Variants in MILR1 observed in about 807,000 individuals in gnomAD.
The protein encoded by MILR1 is mast cell immunoglobulin like receptor 1, also known as allergin-1.
MILR1 carries 31 observed loss-of-function variants against 18.5 expected under a neutral mutation model. The observed-to-expected ratio is 1.68, with a 90% CI of 1.26 to 2.26. The LOEUF is 2.26. MILR1 is among the 30% of genes most tolerant of loss of function. MILR1 has a pLI of 0.00. For synonymous variants in MILR1, 85 were observed against 56.2 expected, an observed-to-expected ratio of 1.51 and a Z score of -2.30; for missense variants, 257 against 157.4, an observed-to-expected ratio of 1.63 and a Z score of -3.38.
At chr17:64,476,662 TA>T in the MILR1 span, among the ~76,000 whole-genome samples, 1 of 152,080 alleles carries the variant, frequency 6.6e-6, no homozygotes. Flanking sequence ...TGTCTGCTTT[TA>T]AAATTCTCCA....
chr17:64,469,997 A>G (rs1555664302), downstream of MILR1, among the ~76,000 whole-genome samples: 1 of 152,200 alleles, frequency 6.6e-6, no homozygotes, highest in Admixed American at 6.5e-5. Flanking sequence ...GACAACGAGG[A>G]GTGACTGGCT....
intron 2 of MILR1, among the ~76,000 whole-genome samples, chr17:64,449,836 A>T (rs933112630): frequency 2.8e-4 from 43 of 152,300 alleles, no homozygotes; most frequent in African/African-American, 1.0e-3. Context: ...CAACACTAGA[A>T]ATATACATTG....
the MILR1 span, chr17:64,497,184 C>T: frequency 3.2e-6 from 2 of 624,672 alleles, no homozygotes; most frequent in African/African-American, 1.8e-5. Context: ...TGGTTCTCTG[C>T]TAGCTTGCCG....
At chr17:64,464,404 T>A (rs1483869849) in intron 5 of MILR1, among the ~76,000 whole-genome samples, 1 of 151,726 alleles carries the variant, frequency 6.6e-6, no homozygotes, top group Admixed American at 6.6e-5. Flanking sequence ...GTTTTTTTTT[T>A]AATTACAAAA....
chr17:64,480,504 C>T, the MILR1 span: 1 of 537,754 alleles, frequency 1.9e-6, no homozygotes, highest in East Asian at 3.5e-5. Context: ...GGGTATGTTT[C>T]TTTAATTATG....
At chr17:64,466,740 T>C in intron 8 of MILR1, 78 bp downstream of exon 8, 2 of 1,248,950 alleles carry the variant, frequency 1.6e-6, no homozygotes, top group Non-Finnish European at 2.3e-6. Flanking sequence ...TTCAGGGGCT[T>C]CAGGAGCCCG....
rs377658373 is a variant in MILR1 at position 64,466,975 on chromosome 17, T to C, written c.979+313T>C. ...TCTCTCCCTCCCTCCCTCTCTCTCT[T>C]TCTTTCTTTCTCTTTCTGTCTCTCT... On this transcript the variant is annotated intron_variant, in intron 8 of 9. Coordinates refer to ENST00000619286, the MANE Select transcript of MILR1 (RefSeq NM_001085423.2). Among the ~76,000 whole-genome samples the C allele has an allele frequency of 1.4e-3, 206 of 151,836 alleles. 3 individuals carry two copies. In the South Asian group the frequency reaches 0.025, roughly 18 times the overall value.
chr17:64,486,138 CCA>C, the MILR1 span, among the ~76,000 whole-genome samples: 1 of 152,134 alleles, frequency 6.6e-6, no homozygotes, highest in Non-Finnish European at 1.5e-5. Context: ...GGCACTGGGC[CCA>C]CGAAGACGAT....
rs375192265 is a variant in MILR1 at position 64,465,634 on chromosome 17, A to G, written c.853+93A>G. 7.4e-5 allele frequency: 98 copies of G among 1,322,532 alleles called. 3 individuals are homozygous for G. The highest frequency in any genetic ancestry group is 5.9e-4 in the East Asian group (23 of 39,238). The allele number at this position is 1,322,532 out of a possible 1,614,324, so 81.9% of individuals were successfully genotyped here. A position where few individuals can be genotyped will look rare whatever the true frequency, so the allele number is the denominator to read the frequency against. On this transcript the variant is annotated intron_variant, in intron 6 of 9. Transcript: ENST00000619286. ...ACAGACATACGGGAGTGGGGGGTGG[A>G]GCAAAAGGGATAGAGTTCAATGTCT...
At position 64,467,564 on chromosome 17, in the gene MILR1, G is replaced by A; in HGVS notation, c.980-1G>A. The stretch of plus-strand genomic sequence containing the variant: ...AAATTATTTTCCCTTTTATATTTCA[G>A]AAGCCTGTGATTCTTATAAATCTGG... On this transcript the variant is annotated splice_acceptor_variant, in intron 8 of 9. Transcript: ENST00000619286. LOFTEE classifies it high-confidence loss of function. 6.6e-7 allele frequency: 1 copy of A among 1,516,378 alleles called. No homozygotes were observed. The highest frequency in any genetic ancestry group is 9.0e-7 in the Non-Finnish European group (1 of 1,111,934). The allele number at this position is 1,516,378 out of a possible 1,614,324, so 93.9% of individuals were successfully genotyped here.
chr17:64,496,716 G>A, the MILR1 span: 1 of 1,614,072 alleles, frequency 6.2e-7, no homozygotes, highest in Non-Finnish European at 8.5e-7. Flanking sequence ...CGGCTAAGCT[G>A]CTGCTTGCTT....
intron 9 of MILR1, 24 bp from the exon 10 acceptor site, chr17:64,468,284 CTT>C (rs1329080564): frequency 2.2e-6 from 1 of 455,686 alleles, no homozygotes; most frequent in Non-Finnish European, 4.4e-6. Flanking sequence ...TATATTCTCT[CTT>C]GTCTCTCTCT....
At chr17:64,463,240 T>A (rs973696311) in intron 5 of MILR1, among the ~76,000 whole-genome samples, 1 of 152,056 alleles carries the variant, frequency 6.6e-6, no homozygotes, top group Non-Finnish European at 1.5e-5. Context: ...ACTCCTGGAC[T>A]CAGGCGATCC....
chr17:64,490,890 T>C, the MILR1 span: 7 of 1,613,764 alleles, frequency 4.3e-6, no homozygotes, highest in South Asian at 3.3e-5. Context: ...CCAGGGAAAA[T>C]TGTAGTAAAG....
chr17:64,463,356 C>G (rs2037473952), intron 5 of MILR1, among the ~76,000 whole-genome samples: 3 of 152,044 alleles, frequency 2.0e-5, no homozygotes, highest in Admixed American at 2.0e-4. Context: ...ACTGGTTAAG[C>G]CTTCAAAGTG....
At chr17:64,470,460 TTA>T (rs1459931406), downstream of MILR1, among the ~76,000 whole-genome samples, 4 of 152,214 alleles carry the variant, frequency 2.6e-5, no homozygotes, top group African/African-American at 9.7e-5. Flanking sequence ...GTAAAAAATT[TTA>T]TGTTATGTAT....
intron 3 of MILR1, among the ~76,000 whole-genome samples, chr17:64,454,560 T>C (rs2037248604): frequency 6.6e-6 from 1 of 152,226 alleles, no homozygotes; most frequent in African/African-American, 2.4e-5. Flanking sequence ...TGTAGCTCAG[T>C]GATTCTTAGC....
At chr17:64,451,145 T>TTTTC (rs2037162993) in intron 2 of MILR1, among the ~76,000 whole-genome samples, 3 of 151,744 alleles carry the variant, frequency 2.0e-5, no homozygotes, top group Admixed American at 2.0e-4. Context: ...GGGTTTTTTT[T>TTTTC]TTTCTTTCTT....
chr17:64,460,423 C>A (rs1461461431), intron 4 of MILR1, among the ~76,000 whole-genome samples: 1 of 152,130 alleles, frequency 6.6e-6, no homozygotes, highest in East Asian at 1.9e-4. Context: ...CTGCAGTCTC[C>A]ACCTCCCGGG....
Sources: gnomAD v4.1 joint callset for allele counts (sites outside exome capture counted in the v4.1 genomes callset) on GRCh38, gnomAD v4.1.1 for gene constraint, MANE v1.5 for transcripts, NCBI Gene and HGNC (gene_info 2026-07-23, HGNC 2026-07-21) for gene names.